SRBD1: variants seen among roughly 807,000 people sequenced by gnomAD.
The protein encoded by SRBD1 is S1 RNA-binding domain-containing protein 1.
In SRBD1, 88 loss-of-function variants were observed where a neutral mutation model predicts 115.3. The observed-to-expected ratio is 0.76, with a 90% CI of 0.64 to 0.91. SRBD1 has a LOEUF of 0.91. Ranked by LOEUF, SRBD1 falls within the 40% of genes least tolerant of loss-of-function variation. SRBD1 has a pLI of 0.00. For missense variants in SRBD1, 1,385 were observed against 1,177.4 expected, an observed-to-expected ratio of 1.18 and a Z score of -2.58; for synonymous variants, 509 against 407.7, an observed-to-expected ratio of 1.25 and a Z score of -2.99.
chr2:45,535,683 T>C (rs1222010320), intron 14 of SRBD1, among the ~76,000 whole-genome samples: 1 of 151,952 alleles, frequency 6.6e-6, no homozygotes, highest in Non-Finnish European at 1.5e-5. Context: ...TTTAATTATG[T>C]TTTAGTTTTC....
intron 15 of SRBD1, among the ~76,000 whole-genome samples, chr2:45,479,819 T>C (rs1050401322): frequency 3.9e-5 from 6 of 152,206 alleles, no homozygotes; most frequent in African/African-American, 1.2e-4. Context: ...AGGACTTTCA[T>C]AGCTAGAGAG....
intron 15 of SRBD1, among the ~76,000 whole-genome samples, chr2:45,487,675 G>C (rs929892008): frequency 1.3e-5 from 2 of 151,886 alleles, no homozygotes; most frequent in African/African-American, 4.8e-5. Context: ...ATTATTATTT[G>C]AGAGAGTCTT....
At chr2:45,535,016 ATT>A (rs1243735609) in intron 14 of SRBD1, among the ~76,000 whole-genome samples, 4 of 152,108 alleles carry the variant, frequency 2.6e-5, no homozygotes, top group Admixed American at 1.3e-4. Context: ...TAAAATTCAT[ATT>A]GTTAGATTAG....
intron 16 of SRBD1, among the ~76,000 whole-genome samples, chr2:45,438,328 CCA>C (rs1463805547): frequency 1.3e-5 from 2 of 152,136 alleles, no homozygotes; most frequent in African/African-American, 4.8e-5. Context: ...TCCACAATAT[CCA>C]CCATGTAATA....
chr2:45,534,494 T>C (rs1671707904), intron 14 of SRBD1, among the ~76,000 whole-genome samples: 2 of 151,862 alleles, frequency 1.3e-5, no homozygotes, highest in Non-Finnish European at 2.9e-5. Flanking sequence ...AAATGAGAAA[T>C]TTAAATAACA....
intron 9 of SRBD1, among the ~76,000 whole-genome samples, chr2:45,569,803 A>G (rs1375057794): frequency 6.6e-6 from 1 of 152,224 alleles, no homozygotes; most frequent in African/African-American, 2.4e-5. Flanking sequence ...ATAACATACA[A>G]AGGAAGCCAA....
rs765321556 is a variant in SRBD1, at chr2:45,553,699, A to G, written c.1441T>C (p.Leu481=). ...AGTGAATTATATAAGATCTTCATTA[A>G]CTCTGGCCTTGCAAAGCTACGTGGT... is the stretch of plus-strand genomic sequence containing the variant. ...WRPRSFARPE[L]MKILYNSLND... The change falls in exon 11 of 21, where the codon TTA becomes CTA. Residue 481 remains leucine, a synonymous_variant. Coordinates refer to ENST00000263736, the MANE Select transcript of SRBD1 (RefSeq NM_018079.5). 1 of 1,606,200 alleles carries G rather than the reference A, an allele frequency of 6.2e-7. No homozygotes were observed. Among genetic ancestry groups the G allele is most frequent in the South Asian group, 1.1e-5 (1 of 89,526 alleles).
chr2:45,453,337 A>G (rs1379244223), intron 16 of SRBD1, among the ~76,000 whole-genome samples: 3 of 151,786 alleles, frequency 2.0e-5, no homozygotes, highest in African/African-American at 2.4e-5. Flanking sequence ...CTTGTCAATC[A>G]TGACAGACTC....
chr2:45,426,149 T>C (rs564366992), intron 16 of SRBD1, among the ~76,000 whole-genome samples: 101 of 152,274 alleles, frequency 6.6e-4, no homozygotes, highest in African/African-American at 2.4e-3. Context: ...CCTGGGATGC[T>C]AGAGCTTGGT....
intron 5 of SRBD1, among the ~76,000 whole-genome samples, chr2:45,582,148 G>A: frequency 6.6e-6 from 1 of 152,034 alleles, no homozygotes; most frequent in Non-Finnish European, 1.5e-5. Context: ...CATGTAGTTG[G>A]CATGCAACTA....
intron 16 of SRBD1, among the ~76,000 whole-genome samples, chr2:45,466,335 G>T (rs1669490003): frequency 6.6e-6 from 1 of 152,050 alleles, no homozygotes; most frequent in Admixed American, 6.6e-5. Context: ...GCTATTCCTG[G>T]AGGCATCCTG....
intron 4 of SRBD1, 82 bp downstream of exon 4, chr2:45,599,357 CCCCAGCCCTT>C: frequency 6.7e-7 from 1 of 1,492,342 alleles, no homozygotes; most frequent in Non-Finnish European, 9.0e-7. Flanking sequence ...AATTGAAAAC[CCCCAGCCCTT>C]CCCTTAGACA....
In SRBD1 at chr2:45,599,962, T is replaced by G. The variant is rs577705212; in HGVS notation, c.262-127A>C. 81 of 1,135,364 alleles carry G rather than the reference T, an allele frequency of 7.1e-5. 2 individuals are homozygous for G. The South Asian group carries it at 1.3e-3, about 18-fold the overall frequency. 70.3% of individuals were successfully genotyped at this position (1,135,364 alleles called of 1,614,324 possible). On this transcript the variant is annotated intron_variant, in intron 3 of 20. Transcript: ENST00000263736. ...ATAACTTGGAAGAATCTCAAGTAAA[T>G]TATGTTGAGTGGGAAAAAAAGCCAA...
chr2:45,445,207 C>T (rs146782840), intron 16 of SRBD1, among the ~76,000 whole-genome samples: 2 of 152,190 alleles, frequency 1.3e-5, no homozygotes, highest in Admixed American at 1.3e-4. Flanking sequence ...ATTTCTGGGA[C>T]TCAGCTGAAA....
In SRBD1 at chr2:45,602,036, G is replaced by T; in HGVS notation, c.128C>A (p.Pro43His). 2.5e-6 allele frequency: 4 copies of T among 1,614,048 alleles called. No individual in the cohort carries two copies. The highest frequency in any genetic ancestry group is 3.4e-6 in the Non-Finnish European group (4 of 1,179,994). The change falls in exon 3 of 21, where the codon CCC (proline) becomes CAC (histidine). Residue 43 changes from proline (P) to histidine (H), a missense_variant. By Grantham distance (77) the Pro-to-His change is moderately conservative (BLOSUM62 -2). Transcript: ENST00000263736. ...ACGGCTTCTGGGAACTTTCTTTTGG[G>T]GCTCCCAGGCACTATCTTCCTTGTC... ...EDDKEDSAWE[P>H]QKKVPRSRKQ...
At position 45,498,743 on chromosome 2, in the gene SRBD1, A is replaced by G. The variant is rs913994889; in HGVS notation, c.1875-10412T>C. Among the ~76,000 whole-genome samples the G allele has an allele frequency of 9.9e-5, 15 of 152,118 alleles. 1 individual carries two copies. The highest frequency in any genetic ancestry group is 1.4e-4 in the African/African-American group (6 of 41,420). ...TCTCCCATATGAGTGAGAACATGCA[A>G]TATTTGTCTTTCCATGCCTGGCTTA... is the stretch of plus-strand genomic sequence containing the variant. On this transcript the variant is annotated intron_variant, in intron 14 of 20. Coordinates refer to ENST00000263736, the MANE Select transcript of SRBD1 (RefSeq NM_018079.5).
chr2:45,508,451 A>C (rs1379539181), intron 14 of SRBD1, among the ~76,000 whole-genome samples: 2 of 152,190 alleles, frequency 1.3e-5, no homozygotes, highest in Admixed American at 1.3e-4. Context: ...TTCCAAAATA[A>C]ATTTTAAAGG....
chr2:45,508,221 TAAAAGAGGAAAAGAAAAGTTACAG>T, intron 14 of SRBD1, among the ~76,000 whole-genome samples: 1 of 151,864 alleles, frequency 6.6e-6, no homozygotes, highest in Non-Finnish European at 1.5e-5. Flanking sequence ...TTCCCAAAGG[TAAAAGAGGAAAAGAAAAGTTACAG>T]CTGTCACTTA....
intron 14 of SRBD1, among the ~76,000 whole-genome samples, chr2:45,511,541 T>A (rs533056889): frequency 1.3e-5 from 2 of 152,168 alleles, no homozygotes; most frequent in Non-Finnish European, 2.9e-5. Context: ...TATAAGACCG[T>A]TTACATGAGG....
Sources: gnomAD v4.1 joint callset for allele counts (sites outside exome capture counted in the v4.1 genomes callset) on GRCh38, gnomAD v4.1.1 for gene constraint, MANE v1.5 for transcripts, NCBI Gene and HGNC (gene_info 2026-07-23, HGNC 2026-07-21) for gene names.